The following TRMT61B variants were observed in gnomAD, a reference collection of about 807,000 sequenced individuals.
TRMT61B encodes tRNA methyltransferase 61B, also known as tRNA (adenine(58)-N(1))-methyltransferase, mitochondrial.
TRMT61B carries 56 observed loss-of-function variants against 52.0 expected under a neutral mutation model. The observed-to-expected ratio is 1.08, with a 90% CI of 0.87 to 1.35. The LOEUF (loss-of-function observed/expected upper bound fraction) is 1.35, where lower values mean the gene tolerates loss of function less well. Among genes scored for constraint, TRMT61B ranks in the 40% most tolerant of loss-of-function variants. The pLI, the probability that TRMT61B is intolerant of heterozygous loss-of-function variation, is 0.00. For synonymous variants in TRMT61B, 206 were observed against 220.0 expected (o/e 0.94, Z 0.56); for missense variants, 650 against 577.9 (o/e 1.12, Z -1.28).
chr2:28,855,758 G>A (rs181029423), intron 3 of TRMT61B, among the ~76,000 whole-genome samples: 41 of 152,232 alleles, frequency 2.7e-4, no homozygotes, highest in African/African-American at 9.9e-4. Flanking sequence ...CACCTTAGGT[G>A]AGGAGTTCGA....
chr2:28,869,782 T>G lies in TRMT61B; in HGVS notation c.496A>C (p.Thr166Pro), dbSNP rs777292719. The G allele has an allele frequency of 1.2e-6, 2 of 1,614,170 alleles. No homozygotes were observed. The highest frequency in any genetic ancestry group is 2.7e-5 in the African/African-American group (2 of 75,042). Residue 166 changes from threonine to proline, a missense_variant, in exon 1 of 7, where the codon ACA (threonine) becomes CCA (proline). By Grantham distance (38) the Thr-to-Pro change is conservative. Transcript: ENST00000306108. ...AACCTAAATAATTTCTTAAATTTTG[T>G]TTCTCCCTCCCCAGTCTCAGCTAAA... ...LILAETGEGE[T>P]KFKKLFRLNN... is the part of the protein sequence containing the mutation.
intron 1 of TRMT61B, among the ~76,000 whole-genome samples, chr2:28,868,043 C>A (rs1431771402): frequency 6.6e-6 from 1 of 152,036 alleles, no homozygotes; most frequent in Admixed American, 6.6e-5. Flanking sequence ...CATAGCAAGA[C>A]CTTGTCTTTA....
In TRMT61B at chr2:28,870,218, G is replaced by A. The variant is rs747962386; in HGVS notation, c.60C>T (p.Thr20=). 3.7e-6 allele frequency: 6 copies of A among 1,610,222 alleles called. No individual in the cohort carries two copies. Among genetic ancestry groups the A allele is most frequent in the Admixed American group, 1.7e-5 (1 of 59,700 alleles). The change falls in exon 1 of 7, where the codon ACC becomes ACT. Residue 20 remains threonine (T), a synonymous_variant. Transcript: ENST00000306108. ...GCCCCAGGCCGTGCAGGAATGAATT[G>A]GTTCCGAGCCCCTGCCGCAGGCACA... ...VLLCLRQGLG[T]NSFLHGLGQE... is the part of the protein sequence containing the mutation.
In TRMT61B at chr2:28,861,178, A is replaced by G. The variant is rs1326214100; in HGVS notation, c.933T>C (p.Asp311=). ...SHVEEWPDNV[D]FIHKDISGAT... ...CTCCTGAAATGTCCTTATGAATAAA[A>G]TCCACATTGTCTGGCCACTCTTCTA... Residue 311 remains aspartate (D), a synonymous_variant, in exon 3 of 7, where the codon GAT becomes GAC. Transcript: ENST00000306108. The G allele has an allele frequency of 6.2e-7, 1 of 1,612,664 alleles. No individual in the cohort carries two copies. The highest frequency in any genetic ancestry group is 1.7e-5 in the Admixed American group (1 of 59,600).
Position 28,854,738 on chromosome 2 carries a change from CAAAAAAAAAAA to C in TRMT61B, c.994-2250_994-2240del, listed in dbSNP as rs57513823. Among the ~76,000 whole-genome samples the C allele has an allele frequency of 1.6e-4, 14 of 86,416 alleles. No homozygotes were observed. The Admixed American group carries it at 1.7e-3, about 11-fold the overall frequency. The allele number at this position is 86,416 out of a possible 152,430, so 56.7% of individuals were successfully genotyped here. A position where few individuals can be genotyped will look rare whatever the true frequency, so the allele number is the denominator to read the frequency against. On this transcript the variant is annotated intron_variant, in intron 3 of 6. Transcript: ENST00000306108. ...TGGGCGACAGAGCGAGACTCCGTCT[CAAAAAAAAAAA>C]AAAAAAAAAAAAAAAAAAAAAACTG...
rs778365826 is a variant in TRMT61B at position 28,869,979 on chromosome 2, C to G, written c.299G>C (p.Arg100Pro). The change falls in exon 1 of 7, where the codon CGA (arginine) becomes CCA (proline). Residue 100 changes from arginine to proline, a missense_variant. Transcript: ENST00000306108. Reference sequence around the variant, plus strand: ...GTCTCCGCTCGAGTCCTCGAGCTCTCGAGGGGATGACTCTTCCCGCAGCGT... The same window carrying G: ...GTCTCCGCTCGAGTCCTCGAGCTCTGGAGGGGATGACTCTTCCCGCAGCGT... ...LPTLREESSP[R>P]ELEDSSGDQG... 1 of 1,613,684 alleles carries G rather than the reference C, an allele frequency of 6.2e-7. No homozygotes were observed. Among genetic ancestry groups the G allele is most frequent in the South Asian group, 1.1e-5 (1 of 91,046 alleles).
At chr2:28,850,264 A>G (rs944869047) in intron 6 of TRMT61B, 22 bp from the exon 7 acceptor site, 1 of 1,608,942 alleles carries the variant, frequency 6.2e-7, no homozygotes. Flanking sequence ...GAAGAAAAAC[A>G]TAAAGTCATT....
chr2:28,858,287 G>A (rs1033560368), intron 3 of TRMT61B, among the ~76,000 whole-genome samples: 2 of 152,038 alleles, frequency 1.3e-5, no homozygotes, highest in African/African-American at 4.8e-5. Flanking sequence ...TGATCTGCCC[G>A]CCTCGGCCTC....
Position 28,864,217 on chromosome 2 carries a change from G to A in TRMT61B, c.802+800C>T, listed in dbSNP as rs143449642. 1.4e-3 allele frequency among the ~76,000 whole-genome samples: 213 copies of A among 151,992 alleles called. 1 individual carries two copies. Among genetic ancestry groups the A allele is most frequent in the Non-Finnish European group, 2.4e-3 (161 of 67,988 alleles). On this transcript the variant is annotated intron_variant, in intron 2 of 6. Transcript: ENST00000306108. ...CCTACTATAATTCTTTGGCCCTAAC[G>A]ATATATAACTCTCCCCCCAACAGCT...
intron 2 of TRMT61B, 97 bp downstream of exon 2, chr2:28,864,920 T>G: frequency 1.5e-6 from 1 of 688,284 alleles, no homozygotes; most frequent in South Asian, 1.8e-5. Flanking sequence ...TACCTCAATG[T>G]TAGGTATTTT....
At position 28,849,975 on chromosome 2, in the gene TRMT61B, C is replaced by T. The variant is rs763699730; in HGVS notation, c.*224G>A. On this transcript the variant is annotated 3_prime_UTR_variant, in exon 7 of 7. Coordinates refer to ENST00000306108, the MANE Select transcript of TRMT61B (RefSeq NM_017910.4). ...AACTAAACCAATTTGGAATCATTAA[C>T]TACAAAATGTCAAACTAACTGCAAG... 6.8e-7 allele frequency: 1 copy of T among 1,478,014 alleles called. No individual in the cohort carries two copies. 91.6% of individuals were successfully genotyped at this position (1,478,014 alleles called of 1,614,324 possible).
intron 3 of TRMT61B, among the ~76,000 whole-genome samples, chr2:28,853,216 A>G (rs1163393120): frequency 1.3e-5 from 2 of 151,072 alleles, no homozygotes; most frequent in Non-Finnish European, 1.5e-5. Context: ...CGCTCTGTTG[A>G]CCAGGCTGGA....
intron 2 of TRMT61B, among the ~76,000 whole-genome samples, chr2:28,864,718 T>C (rs1185232700): frequency 6.6e-6 from 1 of 152,192 alleles, no homozygotes; most frequent in African/African-American, 2.4e-5. Context: ...ACTTATGATC[T>C]GCACACTTTT....
chr2:28,861,686 A>G (rs1457140305), intron 2 of TRMT61B, among the ~76,000 whole-genome samples: 4 of 152,264 alleles, frequency 2.6e-5, no homozygotes, highest in Non-Finnish European at 4.4e-5. Flanking sequence ...CTGTATGGCT[A>G]CGATGAACAT....
At chr2:28,857,122 CAG>C (rs1392183601) in intron 3 of TRMT61B, among the ~76,000 whole-genome samples, 1 of 151,988 alleles carries the variant, frequency 6.6e-6, no homozygotes, top group Admixed American at 6.6e-5. Context: ...TTAGTAGAGA[CAG>C]AGTTTCACCA....
chr2:28,864,872 G>T (rs1001312311), intron 2 of TRMT61B, 145 bp downstream of exon 2: 6 of 576,998 alleles, frequency 1.0e-5, no homozygotes, highest in African/African-American at 9.3e-5. Flanking sequence ...AGAATGGAAA[G>T]AAAAATAGTT....
chr2:28,861,884 T>A (rs1669612469), intron 2 of TRMT61B: 1 of 152,148 alleles, frequency 6.6e-6, no homozygotes, highest in African/African-American at 2.4e-5. Flanking sequence ...TGTCAACTTA[T>A]ATGCCAACCA....
Position 28,865,049 on chromosome 2 carries a change from G to A in TRMT61B, c.770C>T (p.Ser257Phe), listed in dbSNP as rs142987566. 1.9e-4 allele frequency: 301 copies of A among 1,612,774 alleles called. 1 individual carries two copies. The highest frequency in any genetic ancestry group is 2.3e-4 in the Non-Finnish European group (274 of 1,179,058). ...GGATAAAAATAAGCTCATTCCACCA[G>A]AGCCTGAGCCAGCTTCCAAAACAGT... ...GDTVLEAGSG[S>F]GGMSLFLSKA... is the part of the protein sequence containing the mutation. The change falls in exon 2 of 7, where the codon TCT becomes TTT. Residue 257 changes from serine to phenylalanine, a missense_variant. By Grantham distance (155) the Ser-to-Phe change is radical. Transcript: ENST00000306108.
At chr2:28,855,560 C>T (rs1382812516) in intron 3 of TRMT61B, among the ~76,000 whole-genome samples, 1 of 152,008 alleles carries the variant, frequency 6.6e-6, no homozygotes, top group Non-Finnish European at 1.5e-5. Context: ...GCCTAAGCCA[C>T]CGAAAGAATG....
Sources: gnomAD v4.1 joint callset for allele counts (sites outside exome capture counted in the v4.1 genomes callset) on GRCh38, gnomAD v4.1.1 for gene constraint, MANE v1.5 for transcripts, NCBI Gene and HGNC (gene_info 2026-07-23, HGNC 2026-07-21) for gene names.